Variants in CHD9 observed in about 807,000 individuals in gnomAD.
The protein encoded by CHD9 is ATP-dependent chromatin remodeler CHD9.
In CHD9, 77 loss-of-function variants were observed where a neutral mutation model predicts 316.1. The observed-to-expected ratio is 0.24, with a 90% CI of 0.20 to 0.29. CHD9 has a LOEUF of 0.29. Among genes scored for constraint, CHD9 ranks in the 10% least tolerant of loss-of-function variants. The probability of loss-of-function intolerance (pLI) is 1.00; values close to 1 mark genes in which losing one functional copy is unlikely to be tolerated. For synonymous variants in CHD9, 1,129 were observed against 1,158.3 expected (o/e 0.97, Z 0.51); for missense variants, 2,763 against 3,438.1 (o/e 0.80, Z 4.91).
chr16:53,227,398 G>T lies in CHD9; in HGVS notation c.2046G>T (p.Glu682Asp). 1 of 1,558,226 alleles carries T rather than the reference G, an allele frequency of 6.4e-7. No homozygotes were observed. Among genetic ancestry groups the T allele is most frequent in the Non-Finnish European group, 8.7e-7 (1 of 1,150,158 alleles). The change falls in exon 6 of 39, where the codon GAG becomes GAT. Residue 682 changes from glutamate to aspartate, a missense_variant and splice_region_variant. Physicochemically the swap from Glu to Asp is conservative, Grantham distance 45. Transcript: ENST00000447540. ...TATTTCTTTCCTCCCTCCCATAGGA[G>T]AATCCGAGTGAAGAAGATGCTGCAA... ...PGEQPLQLFV[E>D]NPSEEDAAIV... is the part of the protein sequence containing the mutation.
At chr16:53,266,768 C>T (rs1309861398) in intron 20 of CHD9, among the ~76,000 whole-genome samples, 1 of 152,090 alleles carries the variant, frequency 6.6e-6, no homozygotes, top group Admixed American at 6.6e-5. Flanking sequence ...TAAACTGAAT[C>T]GAACATACTG....
intron 1 of CHD9, among the ~76,000 whole-genome samples, chr16:53,106,624 G>A (rs2037371029): frequency 6.6e-6 from 1 of 151,066 alleles, no homozygotes; most frequent in African/African-American, 2.5e-5. Flanking sequence ...TCATAATCTA[G>A]TTAAAGATGC....
At chr16:53,231,585 T>G in intron 9 of CHD9, 62 bp from the exon 10 acceptor site, 1 of 1,406,462 alleles carries the variant, frequency 7.1e-7, no homozygotes, top group Non-Finnish European at 9.8e-7. Context: ...CTTTATTCTC[T>G]GTTTAAACTA....
Position 53,254,418 on chromosome 16 carries a change from G to C in CHD9, c.3862-20G>C. Reference sequence around the variant, plus strand: ...GCCTTTTGAGAAACTAATTAAATATGTAACTTTTCATTTTTATAGGCCCAA... The same window carrying C: ...GCCTTTTGAGAAACTAATTAAATATCTAACTTTTCATTTTTATAGGCCCAA... On this transcript the variant is annotated intron_variant, in intron 17 of 38. Coordinates refer to ENST00000447540, the MANE Select transcript of CHD9 (RefSeq NM_001308319.2). 1 of 1,517,032 alleles carries C rather than the reference G, an allele frequency of 6.6e-7. No individual in the cohort carries two copies. Among genetic ancestry groups the C allele is most frequent in the Non-Finnish European group, 8.9e-7 (1 of 1,125,380 alleles). 94.0% of individuals were successfully genotyped at this position (1,517,032 alleles called of 1,614,324 possible).
intron 1 of CHD9, among the ~76,000 whole-genome samples, chr16:53,082,146 G>C (rs558867887): frequency 1.3e-5 from 2 of 152,300 alleles, no homozygotes; most frequent in East Asian, 3.9e-4. Flanking sequence ...CCAGTGTCTG[G>C]TAAACACTTA....
chr16:53,133,765 G>A (rs950283587), intron 1 of CHD9, among the ~76,000 whole-genome samples: 11 of 152,082 alleles, frequency 7.2e-5, no homozygotes, highest in African/African-American at 2.7e-4. Context: ...TTTTCAACTT[G>A]GAAGTATCTT....
intron 11 of CHD9, among the ~76,000 whole-genome samples, chr16:53,237,000 A>G (rs935341658): frequency 6.6e-6 from 1 of 151,780 alleles, no homozygotes; most frequent in Non-Finnish European, 1.5e-5. Context: ...TTTTAAATCT[A>G]AGGTCTTGAA....
At position 53,226,365 on chromosome 16, in the gene CHD9, G is replaced by T; in HGVS notation, c.1897-1G>T. ...AATCTGATTCTTGTGGTTCATTACA[G>T]AAAAGAAGATCAAATCGACAAATTA... On this transcript the variant is annotated splice_acceptor_variant, in intron 4 of 38. Coordinates refer to ENST00000447540, the MANE Select transcript of CHD9 (RefSeq NM_001308319.2). LOFTEE classifies it high-confidence loss of function. 6.5e-7 allele frequency: 1 copy of T among 1,546,970 alleles called. No homozygotes were observed.
chr16:53,128,466 G>A (rs1281920823), intron 1 of CHD9, among the ~76,000 whole-genome samples: 3 of 152,204 alleles, frequency 2.0e-5, no homozygotes, highest in East Asian at 3.9e-4. Context: ...ACAGGCTTGA[G>A]CCACCACGCC....
At chr16:53,226,730 T>C (rs2152917767) in intron 5 of CHD9, among the ~76,000 whole-genome samples, 1 of 152,328 alleles carries the variant, frequency 6.6e-6, no homozygotes, top group Non-Finnish European at 1.5e-5. Flanking sequence ...TTCTACCTCC[T>C]AAATATATGT....
intron 26 of CHD9, among the ~76,000 whole-genome samples, 170 bp from the exon 27 acceptor site, chr16:53,287,787 C>T (rs2054010601): frequency 6.6e-6 from 1 of 152,162 alleles, no homozygotes; most frequent in African/African-American, 2.4e-5. Flanking sequence ...TAGCTTTCTC[C>T]CTATTTGCTT....
intron 2 of CHD9, chr16:53,208,776 T>C: frequency 1.2e-6 from 1 of 866,134 alleles, no homozygotes; most frequent in Non-Finnish European, 1.4e-6. Context: ...AGGAAATTCT[T>C]TTTAAAATGC....
At position 53,303,927 on chromosome 16, in the gene CHD9, C is replaced by T. The variant is rs201408451; in HGVS notation, c.5921C>T (p.Ala1974Val). The change falls in exon 31 of 39, where the codon GCT (alanine) becomes GTT (valine). Residue 1974 changes from alanine to valine, a missense_variant. Ala to Val is a moderately conservative substitution (Grantham distance 64). This residue lies in a region of CHD9 where 663 missense variants were observed against 751.2 expected (regional missense o/e 0.88). Transcript: ENST00000447540. Reference sequence around the variant, plus strand: ...CATGATAGGGATTTGCTTATTGGTGCTGCCAAACACGGGGTGAGCCGAACA... The same window carrying T: ...CATGATAGGGATTTGCTTATTGGTGTTGCCAAACACGGGGTGAGCCGAACA... ...GPHDRDLLIG[A>V]AKHGVSRTDY... 1 of 1,614,016 alleles carries T rather than the reference C, an allele frequency of 6.2e-7. No homozygotes were observed. The highest frequency in any genetic ancestry group is 8.5e-7 in the Non-Finnish European group (1 of 1,179,892).
intron 2 of CHD9, among the ~76,000 whole-genome samples, chr16:53,196,021 G>T (rs1406132192): frequency 3.3e-5 from 5 of 152,048 alleles, no homozygotes; most frequent in East Asian, 1.9e-4. Context: ...GCCTCCCAAA[G>T]TGCTGAGATT....
intron 1 of CHD9, among the ~76,000 whole-genome samples, chr16:53,082,676 C>T (rs1038133788): frequency 2.6e-5 from 4 of 152,254 alleles, no homozygotes; most frequent in African/African-American, 9.6e-5. Flanking sequence ...CAGGACAGAG[C>T]TTGCCTTACT....
rs146451553 is a variant in CHD9 at position 53,253,551 on chromosome 16, T to C, written c.3862-887T>C. Reference sequence around the variant, plus strand: ...TCACAAATTACTACTAAAGAACTTATGTAACCAAATACCACCTGTACCCCA... The same window carrying C: ...TCACAAATTACTACTAAAGAACTTACGTAACCAAATACCACCTGTACCCCA... On this transcript the variant is annotated intron_variant, in intron 17 of 38. Coordinates refer to ENST00000447540, the MANE Select transcript of CHD9 (RefSeq NM_001308319.2). Among the ~76,000 whole-genome samples the C allele has an allele frequency of 7.9e-5, 12 of 152,244 alleles. No homozygotes were observed. In the East Asian group the frequency reaches 1.7e-3, roughly 22 times the overall value.
intron 2 of CHD9, among the ~76,000 whole-genome samples, chr16:53,201,408 G>A (rs2152848888): frequency 6.6e-6 from 1 of 152,190 alleles, no homozygotes; most frequent in South Asian, 2.1e-4. Context: ...GTACCCCTAT[G>A]TCTTAAAGTG....
intron 2 of CHD9, among the ~76,000 whole-genome samples, chr16:53,163,870 T>C (rs2042092045): frequency 6.6e-6 from 1 of 152,266 alleles, no homozygotes; most frequent in Non-Finnish European, 1.5e-5. Context: ...TGCCAAGCAC[T>C]GTTCTGAATA....
intron 1 of CHD9, among the ~76,000 whole-genome samples, chr16:53,126,028 T>C (rs1163596498): frequency 6.6e-6 from 1 of 152,216 alleles, no homozygotes; most frequent in East Asian, 1.9e-4. Context: ...CTTTTTGTGG[T>C]TTCTTGTATG....
Sources: gnomAD v4.1 joint callset for allele counts (sites outside exome capture counted in the v4.1 genomes callset) on GRCh38, gnomAD v4.1.1 for gene constraint, gnomAD v4.1.1 regional missense constraint, MANE v1.5 for transcripts, NCBI Gene and HGNC (gene_info 2026-07-23, HGNC 2026-07-21) for gene names.